The following RABGAP1L variants were observed in gnomAD, a reference collection of about 807,000 sequenced individuals.
RABGAP1L encodes RAB GTPase activating protein 1 like.
In RABGAP1L, 63 loss-of-function variants were observed where a neutral mutation model predicts 137.7. That is an observed-to-expected ratio of 0.46 (90% confidence interval 0.37 to 0.56). The LOEUF (loss-of-function observed/expected upper bound fraction) is 0.56, where lower values mean the gene tolerates loss of function less well. Ranked by LOEUF, RABGAP1L falls within the 20% of genes least tolerant of loss-of-function variation. The probability of loss-of-function intolerance (pLI) is 0.00; values close to 1 mark genes in which losing one functional copy is unlikely to be tolerated. For synonymous variants in RABGAP1L, 431 were observed against 433.7 expected (o/e 0.99, Z 0.08); for missense variants, 1,095 against 1,244.0 (o/e 0.88, Z 1.80).
At chr1:174,543,317 C>T (rs1665657868) in intron 13 of RABGAP1L, among the ~76,000 whole-genome samples, 2 of 151,702 alleles carry the variant, frequency 1.3e-5, no homozygotes, top group South Asian at 4.2e-4. Flanking sequence ...GTTAGTTCTT[C>T]TTGTTGAATT....
chr1:174,647,585 C>G (rs1308811909), intron 14 of RABGAP1L, among the ~76,000 whole-genome samples: 3 of 151,786 alleles, frequency 2.0e-5, no homozygotes, highest in African/African-American at 7.3e-5. Context: ...TAAGCTTTTT[C>G]ATTTGCTACT....
chr1:174,701,222 A>T, intron 16 of RABGAP1L: 1 of 1,272,420 alleles, frequency 7.9e-7, no homozygotes, highest in South Asian at 1.3e-5. Context: ...TTGGGAGAAA[A>T]AAATAAAGTT....
At chr1:174,937,728 G>A (rs372049729) in intron 19 of RABGAP1L, among the ~76,000 whole-genome samples, 1 of 458 alleles carries the variant, frequency 2.2e-3, no homozygotes, top group Admixed American at 0.021. Flanking sequence ...ATGGAGTCTT[G>A]CTTTATCACC....
chr1:174,617,157 A>G (rs180817922), intron 13 of RABGAP1L, among the ~76,000 whole-genome samples: 2 of 152,350 alleles, frequency 1.3e-5, no homozygotes, highest in Admixed American at 6.5e-5. Context: ...ATTGATATAT[A>G]GAGAAAAAAT....
intron 13 of RABGAP1L, among the ~76,000 whole-genome samples, chr1:174,582,046 A>G (rs1272897742): frequency 6.6e-6 from 1 of 152,100 alleles, no homozygotes; most frequent in Non-Finnish European, 1.5e-5. Flanking sequence ...CTGTCGGACA[A>G]CCAGGTGGAG....
intron 11 of RABGAP1L, among the ~76,000 whole-genome samples, chr1:174,332,584 T>A (rs1470888460): frequency 6.6e-6 from 1 of 151,996 alleles, no homozygotes; most frequent in Non-Finnish European, 1.5e-5. Context: ...TTAGTAGAGA[T>A]GGGGTTTTCC....
At chr1:174,724,695 G>T (rs769903750) in intron 17 of RABGAP1L, among the ~76,000 whole-genome samples, 1 of 152,100 alleles carries the variant, frequency 6.6e-6, no homozygotes, top group Non-Finnish European at 1.5e-5. Context: ...CGTTGTCTTT[G>T]CATCTATAGT....
chr1:174,758,716 G>A (rs1793307), intron 18 of RABGAP1L, among the ~76,000 whole-genome samples: 91,990 of 151,978 alleles, frequency 0.61, 30,978 homozygotes, highest in East Asian at 0.93. Context: ...TTAGGTTGAT[G>A]TTTACTCTCA....
chr1:174,961,645 G>T (rs902377712), intron 20 of RABGAP1L, among the ~76,000 whole-genome samples: 4 of 149,646 alleles, frequency 2.7e-5, no homozygotes, highest in Non-Finnish European at 5.9e-5. Context: ...AGGAGTTCCA[G>T]ACCAGCCTGG....
intron 13 of RABGAP1L, among the ~76,000 whole-genome samples, chr1:174,470,169 T>C (rs1441738703): frequency 6.6e-6 from 1 of 152,178 alleles, no homozygotes; most frequent in Non-Finnish European, 1.5e-5. Flanking sequence ...GCAGAATAGA[T>C]ATCATTCCAT....
chr1:174,450,805 A>G (rs531710164), intron 13 of RABGAP1L, among the ~76,000 whole-genome samples: 1 of 152,256 alleles, frequency 6.6e-6, no homozygotes, highest in East Asian at 1.9e-4. Context: ...ACTACTGAGT[A>G]TTTTTCTTCT....
chr1:174,691,309 G>A (rs954919626), intron 15 of RABGAP1L, among the ~76,000 whole-genome samples: 9 of 152,178 alleles, frequency 5.9e-5, no homozygotes, highest in African/African-American at 1.9e-4. Flanking sequence ...AAAATACCTT[G>A]ATGTAAATGA....
At chr1:174,375,593 A>C (rs763493441) in intron 12 of RABGAP1L, among the ~76,000 whole-genome samples, 3 of 152,188 alleles carry the variant, frequency 2.0e-5, no homozygotes, top group Non-Finnish European at 4.4e-5. Context: ...CACTGTCTAT[A>C]AATTTAGAAG....
chr1:174,215,623 A>T (rs1669242740), intron 1 of RABGAP1L, among the ~76,000 whole-genome samples: 1 of 152,200 alleles, frequency 6.6e-6, no homozygotes. Context: ...ACAATGAGAT[A>T]TTATCTCACC....
chr1:174,479,188 A>G (rs1421870365), intron 13 of RABGAP1L, among the ~76,000 whole-genome samples: 1 of 152,224 alleles, frequency 6.6e-6, no homozygotes, highest in Non-Finnish European at 1.5e-5. Context: ...CTGCATTTCT[A>G]ACAAGCTCCC....
chr1:174,827,041 T>C (rs1055226896), intron 19 of RABGAP1L, among the ~76,000 whole-genome samples: 2 of 152,204 alleles, frequency 1.3e-5, no homozygotes, highest in Non-Finnish European at 2.9e-5. Context: ...TTGAGGCCTC[T>C]CTTCTTGGTT....
chr1:174,355,423 T>G, intron 11 of RABGAP1L, among the ~76,000 whole-genome samples: 1 of 129,658 alleles, frequency 7.7e-6, no homozygotes. Flanking sequence ...TGAGAACACG[T>G]GGACACAGGA....
chr1:174,481,036 C>G (rs1174979372), intron 13 of RABGAP1L, among the ~76,000 whole-genome samples: 4 of 152,170 alleles, frequency 2.6e-5, no homozygotes, highest in Non-Finnish European at 5.9e-5. Context: ...TTACTCTCAC[C>G]TTTCTTTATC....
At chr1:174,627,221 A>T (rs1484698026) in intron 13 of RABGAP1L, among the ~76,000 whole-genome samples, 3 of 152,206 alleles carry the variant, frequency 2.0e-5, no homozygotes, top group Non-Finnish European at 4.4e-5. Context: ...TTACTTTTAC[A>T]CTTCAGCCGC....
Sources: allele counts gnomAD v4.1 joint callset (sites outside exome capture counted in the v4.1 genomes callset), GRCh38; gene constraint gnomAD v4.1.1; transcripts MANE v1.5; gene names NCBI Gene and HGNC (gene_info 2026-07-23, HGNC 2026-07-21).